KLF12: variants seen among roughly 807,000 people sequenced by gnomAD.
The protein encoded by KLF12 is KLF transcription factor 12.
A neutral mutation model predicts 37.8 loss-of-function variants in KLF12; 9 were observed. The ratio of observed to expected loss-of-function variants is 0.24; its 90% CI spans 0.14 to 0.42. KLF12 has a LOEUF of 0.42. Among genes scored for constraint, KLF12 ranks in the 10% least tolerant of loss-of-function variants. KLF12 has a pLI of 1.00. For synonymous variants in KLF12, 208 were observed against 202.1 expected, an observed-to-expected ratio of 1.03 and a Z score of -0.25; for missense variants, 411 against 516.0, an observed-to-expected ratio of 0.80 and a Z score of 1.97.
chr13:73,711,039 T>C (rs1371066402), intron 7 of KLF12, among the ~76,000 whole-genome samples: 2 of 152,188 alleles, frequency 1.3e-5, no homozygotes, highest in African/African-American at 2.4e-5. Flanking sequence ...GGATAGAAGA[T>C]CAAACCAGTT....
At chr13:74,154,312 A>G in the KLF12 span, among the ~76,000 whole-genome samples, 4 of 152,196 alleles carry the variant, frequency 2.6e-5, no homozygotes, top group African/African-American at 4.8e-5. Flanking sequence ...TATTGGTTGA[A>G]TTTTCAAAAA....
At chr13:73,928,337 T>C (rs1484840617) in intron 3 of KLF12, among the ~76,000 whole-genome samples, 1 of 152,242 alleles carries the variant, frequency 6.6e-6, no homozygotes, top group Non-Finnish European at 1.5e-5. Context: ...TCTCTGAGAT[T>C]TAAGCAAGTG....
At chr13:74,156,266 G>A in the KLF12 span, among the ~76,000 whole-genome samples, 51 of 152,302 alleles carry the variant, frequency 3.3e-4, no homozygotes, top group Admixed American at 3.3e-4. Flanking sequence ...AGAGGCCTCT[G>A]TATGGTCTAG....
intron 1 of KLF12, among the ~76,000 whole-genome samples, chr13:74,038,159 G>A (rs1480178896): frequency 2.6e-5 from 4 of 152,290 alleles, no homozygotes; most frequent in Admixed American, 2.6e-4. Context: ...TTTTGGCACT[G>A]TATTACGTCA....
chr13:74,241,819 C>A, the KLF12 span, among the ~76,000 whole-genome samples: 1 of 152,216 alleles, frequency 6.6e-6, no homozygotes, highest in Non-Finnish European at 1.5e-5. Context: ...ACGGTGCATG[C>A]ACCCACTGAC....
intron 1 of KLF12, among the ~76,000 whole-genome samples, chr13:74,032,147 T>C (rs1893131775): frequency 6.6e-6 from 1 of 152,134 alleles, no homozygotes. Flanking sequence ...AAAAATACAG[T>C]TTGGAAAGTG....
At chr13:73,774,231 G>C (rs1880443442) in intron 5 of KLF12, among the ~76,000 whole-genome samples, 2 of 150,934 alleles carry the variant, frequency 1.3e-5, no homozygotes, top group African/African-American at 4.9e-5. Flanking sequence ...GGAAAAATAA[G>C]TAAGTCAATA....
intron 1 of KLF12, among the ~76,000 whole-genome samples, chr13:74,108,560 G>A (rs79773834): frequency 0.014 from 2,171 of 152,178 alleles, 51 homozygotes; most frequent in African/African-American, 0.046. Flanking sequence ...AAAAATCCAC[G>A]TATATCTTTT....
At chr13:73,994,880 C>T (rs1235396994) in intron 2 of KLF12, 110 bp downstream of exon 2, 2 of 772,688 alleles carry the variant, frequency 2.6e-6, no homozygotes, top group Admixed American at 1.9e-5. Context: ...TAAGTACTGA[C>T]CTCTGTCTCG....
the KLF12 span, among the ~76,000 whole-genome samples, chr13:74,271,395 T>C: frequency 1.3e-5 from 2 of 152,218 alleles, no homozygotes; most frequent in African/African-American, 4.8e-5. Context: ...TCTAATCTCT[T>C]AATTTTCTCT....
intron 3 of KLF12, among the ~76,000 whole-genome samples, chr13:73,860,100 G>C (rs572119336): frequency 1.4e-3 from 215 of 152,276 alleles, no homozygotes; most frequent in African/African-American, 5.1e-3. Context: ...GGTCTGGGTT[G>C]CGTTTTATAT....
At chr13:74,183,164 A>G in the KLF12 span, among the ~76,000 whole-genome samples, 1 of 152,142 alleles carries the variant, frequency 6.6e-6, no homozygotes, top group Non-Finnish European at 1.5e-5. Context: ...TCTACTATGT[A>G]CCTACTCTTT....
intron 4 of KLF12, among the ~76,000 whole-genome samples, chr13:73,840,323 G>C (rs1879251068): frequency 6.6e-6 from 1 of 152,074 alleles, no homozygotes; most frequent in African/African-American, 2.4e-5. Context: ...AGTCGTCCAT[G>C]CTTCTCCTTC....
the KLF12 span, among the ~76,000 whole-genome samples, chr13:74,218,268 A>G: frequency 6.6e-6 from 1 of 152,276 alleles, no homozygotes; most frequent in South Asian, 2.1e-4. Flanking sequence ...AAATAGGAAA[A>G]AGGGGGACAT....
At chr13:74,081,388 T>C (rs984298170) in intron 1 of KLF12, among the ~76,000 whole-genome samples, 13 of 152,230 alleles carry the variant, frequency 8.5e-5, no homozygotes, top group Admixed American at 2.0e-4. Context: ...TTATAAAAAT[T>C]ACCTTAAGTA....
chr13:73,784,379 A>T (rs1881172736), intron 5 of KLF12, among the ~76,000 whole-genome samples: 1 of 152,046 alleles, frequency 6.6e-6, no homozygotes, highest in Admixed American at 6.5e-5. Context: ...CCACTATTTC[A>T]CATCACTTCT....
intron 3 of KLF12, among the ~76,000 whole-genome samples, chr13:73,911,116 T>C (rs952873153): frequency 3.9e-5 from 6 of 152,108 alleles, no homozygotes; most frequent in Admixed American, 1.3e-4. Context: ...ATTTTTACCA[T>C]GAAAAAAGAT....
At chr13:73,867,878 G>A (rs866281414) in intron 3 of KLF12, among the ~76,000 whole-genome samples, 7 of 151,882 alleles carry the variant, frequency 4.6e-5, no homozygotes, top group Non-Finnish European at 7.4e-5. Flanking sequence ...AAAATTAGTC[G>A]GGCATGGTGG....
chr13:74,174,858 A>G, the KLF12 span, among the ~76,000 whole-genome samples: 2 of 152,322 alleles, frequency 1.3e-5, no homozygotes, highest in Admixed American at 1.3e-4. Flanking sequence ...AATCTATTTG[A>G]TTTAAGGAGA....
Sources: allele counts gnomAD v4.1 joint callset (sites outside exome capture counted in the v4.1 genomes callset), GRCh38; gene constraint gnomAD v4.1.1; transcripts MANE v1.5; gene names NCBI Gene and HGNC (gene_info 2026-07-23, HGNC 2026-07-21).